The following VRK2 variants were observed in gnomAD, a reference collection of about 807,000 sequenced individuals.
The protein encoded by VRK2 is VRK serine/threonine kinase 2.
Under a neutral mutation model 57.6 loss-of-function variants are expected in VRK2, and 60 were observed. The observed-to-expected ratio is 1.04, with a 90% CI of 0.85 to 1.29. VRK2 has a LOEUF of 1.29. Among genes scored for constraint, VRK2 ranks in the 50% most tolerant of loss-of-function variants. The probability of loss-of-function intolerance (pLI) is 0.00; values close to 1 mark genes in which losing one functional copy is unlikely to be tolerated. For missense variants in VRK2, 705 were observed against 588.1 expected (o/e 1.20, Z -2.06); for synonymous variants, 231 against 199.2 (o/e 1.16, Z -1.35).
intron 7 of VRK2, among the ~76,000 whole-genome samples, chr2:58,111,770 G>A (rs76192248): frequency 0.031 from 4,628 of 151,692 alleles, 110 homozygotes; most frequent in Admixed American, 0.049. Flanking sequence ...AATATTAGCC[G>A]TTTGTTTTTG....
intron 1 of VRK2, among the ~76,000 whole-genome samples, chr2:57,991,350 T>C (rs546357950): frequency 1.3e-5 from 2 of 150,786 alleles, no homozygotes; most frequent in East Asian, 3.9e-4. Flanking sequence ...TAAATATTAC[T>C]CCATGTAAAT....
At chr2:57,987,660 T>C (rs1270593525) in intron 1 of VRK2, among the ~76,000 whole-genome samples, 1 of 152,172 alleles carries the variant, frequency 6.6e-6, no homozygotes, top group African/African-American at 2.4e-5. Context: ...GACACTTATC[T>C]ACATGAAATA....
intron 9 of VRK2, among the ~76,000 whole-genome samples, chr2:58,132,980 G>A (rs544705827): frequency 6.4e-4 from 98 of 152,158 alleles, no homozygotes; most frequent in African/African-American, 1.9e-3. Context: ...GTAACATTTC[G>A]AAATATGGGT....
intron 12 of VRK2, among the ~76,000 whole-genome samples, chr2:58,159,003 T>G (rs1010003899): frequency 3.3e-5 from 5 of 152,138 alleles, no homozygotes; most frequent in African/African-American, 1.2e-4. Flanking sequence ...TATGGCTATC[T>G]TACCCCCTTA....
intron 1 of VRK2, among the ~76,000 whole-genome samples, chr2:57,947,470 T>C (rs1388339974): frequency 6.6e-6 from 1 of 152,208 alleles, no homozygotes; most frequent in Non-Finnish European, 1.5e-5. Context: ...GGTAATTTCC[T>C]GCCCTGGTCT....
At chr2:58,055,617 A>G (rs575690045) in intron 2 of VRK2, among the ~76,000 whole-genome samples, 1 of 152,218 alleles carries the variant, frequency 6.6e-6, no homozygotes, top group Non-Finnish European at 1.5e-5. Context: ...CAGCAGAGCC[A>G]GGTGCAATCA....
chr2:58,101,038 G>A (rs1471028548), intron 7 of VRK2, among the ~76,000 whole-genome samples: 2 of 151,634 alleles, frequency 1.3e-5, no homozygotes, highest in South Asian at 2.1e-4. Context: ...ATAGCTATCT[G>A]AATATGGGCT....
intron 2 of VRK2, 127 bp from the exon 3 acceptor site, chr2:58,083,962 A>G: frequency 2.1e-6 from 2 of 955,874 alleles, no homozygotes; most frequent in Non-Finnish European, 3.0e-6. Flanking sequence ...TACTACCATA[A>G]AAGGTTGTTG....
intron 2 of VRK2, among the ~76,000 whole-genome samples, chr2:58,051,638 T>A (rs1675763953): frequency 6.6e-6 from 1 of 152,244 alleles, no homozygotes. Context: ...AGACACTTGA[T>A]CAGCGTTTAC....
intron 1 of VRK2, among the ~76,000 whole-genome samples, chr2:57,942,552 C>T (rs1265231442): frequency 6.8e-6 from 1 of 146,916 alleles, no homozygotes; most frequent in Admixed American, 6.9e-5. Context: ...AAAAAAGGGG[C>T]ATTTCTATGG....
intron 7 of VRK2, among the ~76,000 whole-genome samples, chr2:58,120,656 G>A (rs763764807): frequency 3.3e-5 from 5 of 152,126 alleles, no homozygotes; most frequent in African/African-American, 4.8e-5. Flanking sequence ...GGCCCCTGAC[G>A]TCTCTTTTCT....
intron 1 of VRK2, among the ~76,000 whole-genome samples, chr2:57,950,970 T>G (rs1288833521): frequency 1.3e-5 from 2 of 152,044 alleles, no homozygotes; most frequent in South Asian, 4.1e-4. Context: ...TGTGTGCCTG[T>G]AGTCCCAGCT....
At chr2:58,128,081 T>G (rs1169495449) in intron 8 of VRK2, among the ~76,000 whole-genome samples, 2 of 152,162 alleles carry the variant, frequency 1.3e-5, no homozygotes, top group African/African-American at 2.4e-5. Context: ...TAAAGATCCT[T>G]CTTTATTGGA....
intron 1 of VRK2, among the ~76,000 whole-genome samples, chr2:57,990,890 C>A (rs893611909): frequency 3.3e-5 from 5 of 151,686 alleles, no homozygotes; most frequent in African/African-American, 1.2e-4. Context: ...CACACATGCA[C>A]ACACACAATT....
chr2:58,084,367 C>T (rs1228064494), intron 3 of VRK2, among the ~76,000 whole-genome samples: 1 of 151,744 alleles, frequency 6.6e-6, no homozygotes, highest in African/African-American at 2.4e-5. Context: ...TCTTTCCCTC[C>T]CAAATGCCCT....
intron 2 of VRK2, among the ~76,000 whole-genome samples, chr2:58,029,384 AG>A (rs1378457376): frequency 7.2e-5 from 11 of 152,094 alleles, no homozygotes. Flanking sequence ...AAATTCTTAA[AG>A]GGCTCTGATT....
chr2:58,154,374 G>T (rs1352333419), intron 12 of VRK2, among the ~76,000 whole-genome samples: 1 of 150,988 alleles, frequency 6.6e-6, no homozygotes, highest in Non-Finnish European at 1.5e-5. Flanking sequence ...TCATATCTAT[G>T]GGGTACAATG....
intron 1 of VRK2, among the ~76,000 whole-genome samples, chr2:58,012,289 C>T (rs1203735311): frequency 6.6e-6 from 1 of 152,156 alleles, no homozygotes; most frequent in East Asian, 1.9e-4. Flanking sequence ...CCTTTACTTT[C>T]CTAATAAACT....
At chr2:57,936,759 G>T (rs1355171193) in intron 1 of VRK2, among the ~76,000 whole-genome samples, 1 of 151,762 alleles carries the variant, frequency 6.6e-6, no homozygotes, top group Non-Finnish European at 1.5e-5. Context: ...ATATTGATTG[G>T]ATAAATAAAT....
Sources: allele counts gnomAD v4.1 joint callset (sites outside exome capture counted in the v4.1 genomes callset), GRCh38; gene constraint gnomAD v4.1.1; transcripts MANE v1.5; gene names NCBI Gene and HGNC (gene_info 2026-07-23, HGNC 2026-07-21).